Variants in OSBP2 observed in about 807,000 individuals in gnomAD.
The protein encoded by OSBP2 is oxysterol-binding protein 2.
Under a neutral mutation model 96.0 loss-of-function variants are expected in OSBP2, and 66 were observed. That is an observed-to-expected ratio of 0.69 (90% CI 0.56 to 0.84). The LOEUF (loss-of-function observed/expected upper bound fraction) is 0.84. OSBP2 is among the 40% of genes least tolerant of loss of function. The pLI is 0.00. For missense variants in OSBP2, 1,038 were observed against 1,222.7 expected, an observed-to-expected ratio of 0.85 and a Z score of 2.25; for synonymous variants, 525 against 520.9, an observed-to-expected ratio of 1.01 and a Z score of -0.11.
In OSBP2 at chr22:30,890,468, C is replaced by A. The variant is rs971120578; in HGVS notation, c.1624-260C>A. On this transcript the variant is annotated intron_variant, in intron 7 of 13. Transcript: ENST00000332585. This position sits in a 1 kb window ranked among gnomAD's most constrained non-coding sequence, Gnocchi z 4.4. Reference sequence around the variant, plus strand: ...TGGCCTTGGTGGGTGTCCATCCGAGCAGAGGAGAGCAACAGTGAACATGAT... The same window carrying A: ...TGGCCTTGGTGGGTGTCCATCCGAGAAGAGGAGAGCAACAGTGAACATGAT... 6.6e-6 allele frequency among the ~76,000 whole-genome samples: 1 copy of A among 152,192 alleles called. No homozygotes were observed. Among genetic ancestry groups the A allele is most frequent in the African/African-American group, 2.4e-5 (1 of 41,438 alleles).
At chr22:30,802,574 G>A (rs2090865417) in intron 2 of OSBP2, among the ~76,000 whole-genome samples, 1 of 152,208 alleles carries the variant, frequency 6.6e-6, no homozygotes, top group African/African-American at 2.4e-5. Context: ...GGCCACGCTC[G>A]GGCATTTTAA....
chr22:30,771,515 C>T (rs1047810080), intron 2 of OSBP2, among the ~76,000 whole-genome samples: 1 of 152,134 alleles, frequency 6.6e-6, no homozygotes, highest in Non-Finnish European at 1.5e-5. Context: ...CACAGTGGCA[C>T]CTGCAGCCCA....
chr22:30,694,418 C>T (rs2088981259), upstream of OSBP2: 18 of 1,431,580 alleles, frequency 1.3e-5, no homozygotes, highest in South Asian at 2.3e-4. Context: ...CATTTCGTGG[C>T]CTCTGGGTGC....
At chr22:30,744,587 C>T (rs1250753092) in intron 2 of OSBP2, among the ~76,000 whole-genome samples, 2 of 152,044 alleles carry the variant, frequency 1.3e-5, no homozygotes, top group Non-Finnish European at 2.9e-5. Context: ...ATGGTGAAAC[C>T]CCATCTCTGC....
At chr22:30,824,817 A>G (rs2038363546) in intron 2 of OSBP2, among the ~76,000 whole-genome samples, 1 of 152,158 alleles carries the variant, frequency 6.6e-6, no homozygotes, top group South Asian at 2.1e-4. Context: ...ATGCCGAGGG[A>G]TGAGGTCCAG....
intron 2 of OSBP2, among the ~76,000 whole-genome samples, chr22:30,820,386 C>T (rs8136970): frequency 0.056 from 7,170 of 128,172 alleles, 575 homozygotes; most frequent in African/African-American, 0.19. Flanking sequence ...AAGACCCCAT[C>T]TCTAAAAAAA....
intron 2 of OSBP2, among the ~76,000 whole-genome samples, chr22:30,832,368 G>A (rs1018614901): frequency 8.6e-5 from 13 of 151,010 alleles, no homozygotes; most frequent in African/African-American, 3.2e-4. Context: ...ATGGCTCACT[G>A]CAGCCTCGAC....
At chr22:30,758,516 C>G (rs936179910) in intron 2 of OSBP2, among the ~76,000 whole-genome samples, 77 of 152,174 alleles carry the variant, frequency 5.1e-4, no homozygotes, top group Non-Finnish European at 2.9e-5. Flanking sequence ...TAACACCAAA[C>G]AGGTGGTGAG....
At chr22:30,830,709 C>T (rs55858102) in intron 2 of OSBP2, among the ~76,000 whole-genome samples, 6,600 of 152,310 alleles carry the variant, frequency 0.043, 467 homozygotes, top group African/African-American at 0.15. Flanking sequence ...GACCAATCTT[C>T]TGTGCCCTAG....
chr22:30,749,025 A>G (rs2145752335), intron 2 of OSBP2, among the ~76,000 whole-genome samples: 1 of 152,300 alleles, frequency 6.6e-6, no homozygotes, highest in East Asian at 1.9e-4. Context: ...CCGAGGCAGG[A>G]GAATCGCTTG....
At chr22:30,798,017 T>G (rs1203950805) in intron 2 of OSBP2, among the ~76,000 whole-genome samples, 2 of 152,200 alleles carry the variant, frequency 1.3e-5, no homozygotes, top group South Asian at 4.1e-4. Context: ...CCACCCTATT[T>G]TCCACAGCAG....
At chr22:30,754,898 GACT>G (rs1312945817) in intron 2 of OSBP2, among the ~76,000 whole-genome samples, 9 of 152,118 alleles carry the variant, frequency 5.9e-5, no homozygotes, top group Admixed American at 5.2e-4. Flanking sequence ...GCTTTCTGCT[GACT>G]ACATCTTCCT....
In OSBP2 at chr22:30,695,142, C is replaced by T. The variant is rs1427500572; in HGVS notation, c.233C>T (p.Pro78Leu). Residue 78 changes from proline to leucine, a missense_variant, in exon 1 of 14, where the codon CCA (proline) becomes CTA (leucine). By Grantham distance (98) the Pro-to-Leu change is moderately conservative (BLOSUM62 -3). Around this residue, in one of 3 missense-constraint regions of OSBP2, gnomAD observed 281 missense variants for 273.4 expected, o/e 1.03. Coordinates refer to ENST00000332585, the MANE Select transcript of OSBP2 (RefSeq NM_030758.4). Reference sequence around the variant, plus strand: ...TCGGAGGCAGTTTCGGAGGCAGTGCCAAGATCGGAACCTGTGTCCGAGACG... The same window carrying T: ...TCGGAGGCAGTTTCGGAGGCAGTGCTAAGATCGGAACCTGTGTCCGAGACG... ...QVSEAVSEAV[P>L]RSEPVSETTS... 1 of 1,605,530 alleles carries T rather than the reference C, an allele frequency of 6.2e-7. No individual in the cohort carries two copies. The highest frequency in any genetic ancestry group is 2.2e-5 in the East Asian group (1 of 44,746).
At chr22:30,788,044 A>G (rs1569124135) in intron 2 of OSBP2, among the ~76,000 whole-genome samples, 1 of 152,166 alleles carries the variant, frequency 6.6e-6, no homozygotes, top group Admixed American at 6.5e-5. Context: ...TGGGGTCTCA[A>G]TCATGTCATT....
At chr22:30,888,690 C>T (rs1277910471) in intron 5 of OSBP2, among the ~76,000 whole-genome samples, 1 of 152,146 alleles carries the variant, frequency 6.6e-6, no homozygotes, top group Admixed American at 6.5e-5. Flanking sequence ...GGTCATGCCA[C>T]TGCACTCTAG....
chr22:30,800,557 G>T (rs1324339290), intron 2 of OSBP2, among the ~76,000 whole-genome samples: 2 of 152,228 alleles, frequency 1.3e-5, no homozygotes, highest in South Asian at 2.1e-4. Flanking sequence ...TTCCAGGCAG[G>T]TTGGGGGTGG....
intron 1 of OSBP2, among the ~76,000 whole-genome samples, chr22:30,715,612 C>T (rs1296750509): frequency 2.0e-5 from 3 of 150,632 alleles, no homozygotes; most frequent in African/African-American, 2.4e-5. Context: ...AGTGCAATGG[C>T]GCCATCTCGG....
intron 2 of OSBP2, among the ~76,000 whole-genome samples, chr22:30,856,218 T>G (rs1223684357): frequency 6.6e-6 from 1 of 152,034 alleles, no homozygotes; most frequent in Non-Finnish European, 1.5e-5. Context: ...CCTTCACCCC[T>G]CCATCTCTCC....
At chr22:30,821,121 A>G (rs951243410) in intron 2 of OSBP2, among the ~76,000 whole-genome samples, 3 of 152,240 alleles carry the variant, frequency 2.0e-5, no homozygotes, top group Non-Finnish European at 4.4e-5. Context: ...CCCAGGGCCC[A>G]GAGTCTGTAG....
Sources: allele counts gnomAD v4.1 joint callset (sites outside exome capture counted in the v4.1 genomes callset), GRCh38; gene constraint gnomAD v4.1.1; regional missense constraint gnomAD v4.1.1; non-coding constraint Gnocchi (gnomAD v3.1); transcripts MANE v1.5; gene names NCBI Gene and HGNC (gene_info 2026-07-23, HGNC 2026-07-21).